Variants in SH3PXD2A observed in about 807,000 individuals in gnomAD.
The protein encoded by SH3PXD2A is SH3 and PX domain-containing protein 2A.
SH3PXD2A carries 32 observed loss-of-function variants against 115.2 expected under a neutral mutation model. The ratio of observed to expected loss-of-function variants is 0.28; its 90% CI spans 0.21 to 0.37. The LOEUF is 0.37. Among genes scored for constraint, SH3PXD2A ranks in the 10% least tolerant of loss-of-function variants. The pLI, the probability that SH3PXD2A is intolerant of heterozygous loss-of-function variation, is 1.00. For missense variants in SH3PXD2A, 1,328 were observed against 1,498.7 expected (o/e 0.89, Z 1.88); for synonymous variants, 610 against 629.1 (o/e 0.97, Z 0.45).
chr10:103,842,361 G>A lies in SH3PXD2A; in HGVS notation c.72+12834C>T, dbSNP rs189412164. ...GTGTAATAATCAAATCGGGGTCATG[G>A]GGATATCCATCACCTCAAACACTTA... On this transcript the variant is annotated intron_variant, in intron 1 of 14. Coordinates refer to ENST00000369774, the MANE Select transcript of SH3PXD2A (RefSeq NM_001394015.1). 2.0e-3 allele frequency among the ~76,000 whole-genome samples: 306 copies of A among 152,212 alleles called. 1 individual carries two copies. Among genetic ancestry groups the A allele is most frequent in the Non-Finnish European group, 3.5e-3 (235 of 68,016 alleles).
chr10:103,622,374 G>A, intron 10 of SH3PXD2A, 96 bp downstream of exon 10: 3 of 786,206 alleles, frequency 3.8e-6, no homozygotes, highest in Non-Finnish European at 6.2e-6. Flanking sequence ...GAACAAGGAG[G>A]CCACAGGGCA....
At chr10:103,692,336 C>T (rs995005791) in intron 6 of SH3PXD2A, among the ~76,000 whole-genome samples, 1 of 152,138 alleles carries the variant, frequency 6.6e-6, no homozygotes, top group Non-Finnish European at 1.5e-5. Flanking sequence ...TGCCTCCACC[C>T]CCTTCCAAAC....
intron 2 of SH3PXD2A, among the ~76,000 whole-genome samples, chr10:103,797,024 G>A (rs998065858): frequency 6.6e-6 from 1 of 151,668 alleles, no homozygotes; most frequent in East Asian, 1.9e-4. Context: ...CACCACACTC[G>A]GCTAATTTTT....
Position 103,603,654 on chromosome 10 carries a change from C to A in SH3PXD2A, c.1564G>T (p.Val522Leu). The A allele has an allele frequency of 6.2e-7, 1 of 1,605,242 alleles. No individual in the cohort carries two copies. Among genetic ancestry groups the A allele is most frequent in the Non-Finnish European group, 8.5e-7 (1 of 1,176,016 alleles). Residue 522 changes from valine to leucine, a missense_variant, in exon 15 of 15, where the codon GTG becomes TTG. Physicochemically the swap from Val to Leu is conservative, Grantham distance 32. Coordinates refer to ENST00000369774, the MANE Select transcript of SH3PXD2A (RefSeq NM_001394015.1). Reference sequence around the variant, plus strand: ...TTGCTGGGGGGTGCTGGCGGGGGCACCTTGGGCCGGGTCAGCGTGCTTGTG... The same window carrying A: ...TTGCTGGGGGGTGCTGGCGGGGGCAACTTGGGCCGGGTCAGCGTGCTTGTG... ...RRTSTLTRPK[V>L]PPPAPPSKPK... is the part of the protein sequence containing the mutation.
At chr10:103,853,057 A>G (rs1277255023) in intron 1 of SH3PXD2A, among the ~76,000 whole-genome samples, 1 of 152,280 alleles carries the variant, frequency 6.6e-6, no homozygotes, top group South Asian at 2.1e-4. Context: ...CCAGAACTCT[A>G]GTTCAGAACT....
At chr10:103,810,296 G>A (rs191788234) in intron 1 of SH3PXD2A, among the ~76,000 whole-genome samples, 1 of 152,160 alleles carries the variant, frequency 6.6e-6, no homozygotes, top group African/African-American at 2.4e-5. Context: ...CTGACCTCGC[G>A]CCTGGTTTAG....
intron 1 of SH3PXD2A, among the ~76,000 whole-genome samples, chr10:103,815,908 G>T (rs2039319475): frequency 6.6e-6 from 1 of 151,416 alleles, no homozygotes; most frequent in Non-Finnish European, 1.5e-5. Context: ...AAAAGAAAAA[G>T]AAAAAGAAAA....
chr10:103,602,959 C>T lies in SH3PXD2A; in HGVS notation c.2259G>A (p.Lys753=). Residue 753 remains lysine (K), a synonymous_variant, in exon 15 of 15, where the codon AAG becomes AAA. Coordinates refer to ENST00000369774, the MANE Select transcript of SH3PXD2A (RefSeq NM_001394015.1). ...NAGLTSCPRA[K]PSVRPKPFLN... ...GGAATGGCTTGGGCCGGACCGATGGCTTGGCCCGGGGACAGGAGGTCAGCC... is the reference window on the plus strand; with the variant it reads ...GGAATGGCTTGGGCCGGACCGATGGTTTGGCCCGGGGACAGGAGGTCAGCC... The T allele has an allele frequency of 3.1e-6, 5 of 1,614,224 alleles. No individual in the cohort carries two copies. Among genetic ancestry groups the T allele is most frequent in the Non-Finnish European group, 3.4e-6 (4 of 1,180,038 alleles).
rs569769310 is a variant in SH3PXD2A at position 103,704,777 on chromosome 10, T to A, written c.399-11721A>T. ...CCCAGGGTCTGCCAGAGCATACATG[T>A]AAAGGACGGGGTCTAGGGAGGAGTC... On this transcript the variant is annotated intron_variant, in intron 5 of 14. Coordinates refer to ENST00000369774, the MANE Select transcript of SH3PXD2A (RefSeq NM_001394015.1). Among the ~76,000 whole-genome samples the A allele has an allele frequency of 1.9e-3, 283 of 152,160 alleles. 1 individual carries two copies. The highest frequency in any genetic ancestry group is 3.5e-3 in the Non-Finnish European group (236 of 67,972).
At chr10:103,815,540 G>A (rs1406701310) in intron 1 of SH3PXD2A, among the ~76,000 whole-genome samples, 1 of 151,270 alleles carries the variant, frequency 6.6e-6, no homozygotes, top group African/African-American at 2.4e-5. Context: ...CCTGCCATTT[G>A]ACAACATGAA....
intron 8 of SH3PXD2A, among the ~76,000 whole-genome samples, chr10:103,642,627 A>G (rs148297978): frequency 6.6e-6 from 1 of 152,306 alleles, no homozygotes; most frequent in African/African-American, 2.4e-5. Context: ...ATGAAACAGC[A>G]TGTATTTACT....
At chr10:103,613,334 GA>G in intron 11 of SH3PXD2A, 144 bp from the exon 12 acceptor site, 1 of 588,386 alleles carries the variant, frequency 1.7e-6, no homozygotes, top group South Asian at 2.7e-5. Flanking sequence ...ACTCTGGAGA[GA>G]AATGGCACCG....
intron 1 of SH3PXD2A, among the ~76,000 whole-genome samples, chr10:103,845,330 C>CAAAAAAAAAA (rs371956451): frequency 1.6e-4 from 6 of 37,848 alleles, no homozygotes; most frequent in East Asian, 1.5e-3. Context: ...GACTTCATCT[C>CAAAAAAAAAA]AAAAAAAAAA....
intron 1 of SH3PXD2A, among the ~76,000 whole-genome samples, chr10:103,833,812 A>T (rs1029945690): frequency 2.0e-5 from 3 of 152,220 alleles, no homozygotes; most frequent in Admixed American, 6.5e-5. Context: ...CCAAGAGAGA[A>T]GTCCTATGAC....
chr10:103,816,306 C>T (rs1446219381), intron 1 of SH3PXD2A, among the ~76,000 whole-genome samples: 1 of 152,084 alleles, frequency 6.6e-6, no homozygotes, highest in African/African-American at 2.4e-5. Context: ...TCTTACAACT[C>T]AATAATAAAA....
intron 6 of SH3PXD2A, among the ~76,000 whole-genome samples, chr10:103,670,622 A>G (rs1191880675): frequency 6.6e-6 from 1 of 152,024 alleles, no homozygotes; most frequent in African/African-American, 2.4e-5. Context: ...CCCCACAGTC[A>G]CTCTCAGACA....
chr10:103,730,993 T>C (rs2134180363), intron 4 of SH3PXD2A, among the ~76,000 whole-genome samples: 1 of 152,270 alleles, frequency 6.6e-6, no homozygotes, highest in East Asian at 1.9e-4. Context: ...GGCGGAGGCC[T>C]GGCTAGCTGG....
At chr10:103,790,955 A>G (rs1456223071) in intron 2 of SH3PXD2A, among the ~76,000 whole-genome samples, 1 of 152,202 alleles carries the variant, frequency 6.6e-6, no homozygotes, top group African/African-American at 2.4e-5. Flanking sequence ...TGTACCTCCC[A>G]TATTGTGCTA....
At chr10:103,661,488 C>T in intron 7 of SH3PXD2A, 1 of 223,174 alleles carries the variant, frequency 4.5e-6, no homozygotes, top group Non-Finnish European at 7.5e-6. Context: ...GGCCTGGGGC[C>T]GACGGGGTCT....
Sources: gnomAD v4.1 joint callset for allele counts (sites outside exome capture counted in the v4.1 genomes callset) on GRCh38, gnomAD v4.1.1 for gene constraint, MANE v1.5 for transcripts, NCBI Gene and HGNC (gene_info 2026-07-23, HGNC 2026-07-21) for gene names.